Variants in GALNT13 observed in about 807,000 individuals in gnomAD.
GALNT13 encodes polypeptide N-acetylgalactosaminyltransferase 13.
GALNT13 carries 28 observed loss-of-function variants against 64.2 expected under a neutral mutation model. The observed-to-expected ratio is 0.44, with a 90% CI of 0.32 to 0.60. The LOEUF is 0.60. Ranked by LOEUF, GALNT13 falls within the 20% of genes least tolerant of loss-of-function variation. The probability of loss-of-function intolerance (pLI) is 0.05; values close to 1 mark genes in which losing one functional copy is unlikely to be tolerated. For synonymous variants in GALNT13, 214 were observed against 224.6 expected, an observed-to-expected ratio of 0.95 and a Z score of 0.42; for missense variants, 577 against 669.8, an observed-to-expected ratio of 0.86 and a Z score of 1.53.
chr2:153,368,593 C>T, the GALNT13 span, among the ~76,000 whole-genome samples: 15 of 152,094 alleles, frequency 9.9e-5, no homozygotes, highest in East Asian at 7.7e-4. Context: ...CATTACATGA[C>T]GATAAAGAAT....
At chr2:153,537,667 C>T in the GALNT13 span, among the ~76,000 whole-genome samples, 2 of 152,086 alleles carry the variant, frequency 1.3e-5, no homozygotes, top group Admixed American at 6.6e-5. Context: ...GGAAGGGATT[C>T]GCTTGTGGGG....
At chr2:153,794,270 G>A in the GALNT13 span, among the ~76,000 whole-genome samples, 8 of 151,964 alleles carry the variant, frequency 5.3e-5, no homozygotes, top group African/African-American at 1.7e-4. Context: ...ATTATGTAAG[G>A]TAATATTTTA....
the GALNT13 span, among the ~76,000 whole-genome samples, chr2:153,191,705 CT>C: frequency 1.9e-3 from 272 of 141,288 alleles, no homozygotes; most frequent in Middle Eastern, 3.7e-3. Flanking sequence ...GCTTGAAAGA[CT>C]TTTTTTTTTT....
At chr2:154,368,155 A>G (rs1697476604) in intron 9 of GALNT13, among the ~76,000 whole-genome samples, 1 of 6,708 alleles carries the variant, frequency 1.5e-4, no homozygotes, top group Non-Finnish European at 4.0e-4. Flanking sequence ...AATTGGATAA[A>G]ATATGTAAAA....
At chr2:153,093,937 C>A in the GALNT13 span, among the ~76,000 whole-genome samples, 5 of 152,030 alleles carry the variant, frequency 3.3e-5, no homozygotes, top group Non-Finnish European at 7.4e-5. Flanking sequence ...TTGTCCTTTT[C>A]TTCTAGATTT....
intron 4 of GALNT13, among the ~76,000 whole-genome samples, chr2:154,192,408 C>T (rs1162584794): frequency 2.0e-5 from 3 of 152,156 alleles, no homozygotes; most frequent in Admixed American, 1.3e-4. Context: ...CAGGGACCCG[C>T]CCTTCTCCTC....
the GALNT13 span, among the ~76,000 whole-genome samples, chr2:153,430,905 A>G: frequency 6.6e-6 from 1 of 151,974 alleles, no homozygotes; most frequent in Non-Finnish European, 1.5e-5. Flanking sequence ...TAATTCCAGC[A>G]CTTTGGGAGG....
At chr2:153,801,067 C>T in the GALNT13 span, among the ~76,000 whole-genome samples, 1 of 152,150 alleles carries the variant, frequency 6.6e-6, no homozygotes, top group Non-Finnish European at 1.5e-5. Context: ...TCTAATCTCT[C>T]TCAGCTTTCA....
the GALNT13 span, among the ~76,000 whole-genome samples, chr2:153,541,913 C>G: frequency 4.9e-3 from 746 of 152,266 alleles, 2 homozygotes; most frequent in Admixed American, 0.012. Flanking sequence ...ATTTCTATGC[C>G]TTTTCTCCTA....
chr2:153,073,197 A>G, the GALNT13 span, among the ~76,000 whole-genome samples: 2 of 152,166 alleles, frequency 1.3e-5, no homozygotes, highest in South Asian at 2.1e-4. Flanking sequence ...ATATTTACCT[A>G]TATTTATTTA....
At chr2:153,782,969 C>T in the GALNT13 span, among the ~76,000 whole-genome samples, 1 of 152,088 alleles carries the variant, frequency 6.6e-6, no homozygotes, top group South Asian at 2.1e-4. Context: ...AACTTCTCTC[C>T]CAAGTTGAAC....
chr2:154,330,237 A>T lies in GALNT13; in HGVS notation c.1156+28648A>T, dbSNP rs72999324. 6.3e-3 allele frequency among the ~76,000 whole-genome samples: 954 copies of T among 152,206 alleles called. 14 individuals carry two copies. The highest frequency in any genetic ancestry group is 0.021 in the African/African-American group (890 of 41,562). The stretch of plus-strand genomic sequence containing the variant: ...AATGACCAGCACATGTTTTCTAACC[A>T]CAAGGGAGCAGCAAGTGGTGGAGGG... On this transcript the variant is annotated intron_variant, in intron 9 of 12. Transcript: ENST00000392825.
chr2:153,982,596 A>G (rs980811536), intron 3 of GALNT13, among the ~76,000 whole-genome samples: 4 of 152,066 alleles, frequency 2.6e-5, no homozygotes, highest in African/African-American at 9.7e-5. Flanking sequence ...TCACCATTTT[A>G]TAGGTGAGAA....
At chr2:153,823,985 G>A in the GALNT13 span, among the ~76,000 whole-genome samples, 42 of 151,998 alleles carry the variant, frequency 2.8e-4, no homozygotes, top group Non-Finnish European at 5.6e-4. Context: ...TCAAAAGAAG[G>A]CATGCAAGTG....
the GALNT13 span, among the ~76,000 whole-genome samples, chr2:153,169,355 G>A: frequency 6.6e-6 from 1 of 152,180 alleles, no homozygotes; most frequent in Non-Finnish European, 1.5e-5. Flanking sequence ...TTTGGGCTAA[G>A]GGAGGCTTTA....
chr2:153,854,349 G>A, the GALNT13 span, among the ~76,000 whole-genome samples: 4 of 151,936 alleles, frequency 2.6e-5, no homozygotes, highest in Admixed American at 2.6e-4. Flanking sequence ...GGAGGCTGAG[G>A]TGGGCAGATC....
At chr2:153,778,594 ACT>A in the GALNT13 span, among the ~76,000 whole-genome samples, 1 of 152,186 alleles carries the variant, frequency 6.6e-6, no homozygotes, top group African/African-American at 2.4e-5. Context: ...AACCTACTAA[ACT>A]CTATTTACAA....
At chr2:153,320,084 T>C in the GALNT13 span, among the ~76,000 whole-genome samples, 19 of 152,164 alleles carry the variant, frequency 1.2e-4, no homozygotes, top group African/African-American at 4.6e-4. Flanking sequence ...ATCAATGAAA[T>C]CAGATTTCAT....
At chr2:153,562,060 CTGTGTGTGTGTGTGTGTGTGTGTGTG>C in the GALNT13 span, among the ~76,000 whole-genome samples, 1 of 118,962 alleles carries the variant, frequency 8.4e-6, no homozygotes, top group Admixed American at 8.3e-5. Flanking sequence ...CTCTCTCTCT[CTGTGTGTGTGTGTGTGTGTGTGTGTG>C]TGTGTGTGTG....
Sources: gnomAD v4.1 joint callset for allele counts (sites outside exome capture counted in the v4.1 genomes callset) on GRCh38, gnomAD v4.1.1 for gene constraint, MANE v1.5 for transcripts, NCBI Gene and HGNC (gene_info 2026-07-23, HGNC 2026-07-21) for gene names.